AKAP7: variants seen among roughly 807,000 people sequenced by gnomAD.
The protein encoded by AKAP7 is A kinase (PRKA) anchor protein 7.
Under a neutral mutation model 39.5 loss-of-function variants are expected in AKAP7, and 39 were observed. That is an observed-to-expected ratio of 0.99 (90% CI 0.76 to 1.29). The LOEUF (loss-of-function observed/expected upper bound fraction) is 1.29, where lower values mean the gene tolerates loss of function less well. AKAP7 is among the 50% of genes most tolerant of loss of function. The pLI is 0.00. For missense variants in AKAP7, 414 were observed against 407.7 expected (o/e 1.02, Z -0.13); for synonymous variants, 140 against 139.1 (o/e 1.01, Z -0.05).
upstream of AKAP7, among the ~76,000 whole-genome samples, chr6:131,131,275 TTATGAGGGGTTGTC>T (rs1800321738): frequency 6.6e-6 from 1 of 152,128 alleles, no homozygotes; most frequent in Non-Finnish European, 1.5e-5. Flanking sequence ...ATAAGCATCT[TTATGAGGGGTTGTC>T]TATGCTAGAT....
chr6:131,273,817 TTTC>T (rs1352857018), intron 7 of AKAP7, among the ~76,000 whole-genome samples: 1 of 152,164 alleles, frequency 6.6e-6, no homozygotes, highest in Non-Finnish European at 1.5e-5. Flanking sequence ...TTCTTTGACA[TTTC>T]TTCTAGTGCT....
chr6:131,161,801 G>A (rs138486456), intron 3 of AKAP7, among the ~76,000 whole-genome samples: 5 of 151,840 alleles, frequency 3.3e-5, no homozygotes, highest in East Asian at 1.9e-4. Flanking sequence ...TTAGGATCAC[G>A]TATACCTGTG....
At chr6:131,267,581 G>A (rs975212109) in intron 7 of AKAP7, among the ~76,000 whole-genome samples, 9 of 152,088 alleles carry the variant, frequency 5.9e-5, no homozygotes, top group Non-Finnish European at 1.2e-4. Context: ...TAAGTTTCCA[G>A]GCTCATCATT....
intron 2 of AKAP7, among the ~76,000 whole-genome samples, chr6:131,147,307 G>A (rs1305883155): frequency 6.6e-6 from 1 of 152,184 alleles, no homozygotes; most frequent in Non-Finnish European, 1.5e-5. Context: ...ACTGTCTTCT[G>A]GAGGCAGTGA....
At chr6:131,161,168 A>G (rs941538465) in intron 3 of AKAP7, among the ~76,000 whole-genome samples, 2 of 152,222 alleles carry the variant, frequency 1.3e-5, no homozygotes, top group Non-Finnish European at 2.9e-5. Context: ...GAAAAAATAA[A>G]TTATTTTGGG....
In AKAP7 at chr6:131,135,500, G is replaced by GTGCTGCGGC. The variant is rs938404793; in HGVS notation, c.-251_-243dup. On this transcript the variant is annotated 5_prime_UTR_variant, in exon 1 of 8. Coordinates refer to ENST00000431975, the MANE Select transcript of AKAP7 (RefSeq NM_016377.4). ...TTCCGGCGTCCGGCCTGGCATGCGGGTGCTGCGGCTGCTGCGGCTGCCGCC... is the reference window on the plus strand; with the variant it reads ...TTCCGGCGTCCGGCCTGGCATGCGGGTGCTGCGGCTGCTGCGGCTGCTGCGGCTGCCGCC... Among the ~76,000 whole-genome samples, 22 of 148,542 alleles carry GTGCTGCGGC rather than the reference G, an allele frequency of 1.5e-4. No homozygotes were observed. The highest frequency in any genetic ancestry group is 2.7e-4 in the Admixed American group (4 of 14,976).
intron 7 of AKAP7, among the ~76,000 whole-genome samples, chr6:131,256,785 C>A (rs1393872421): frequency 2.0e-5 from 3 of 147,878 alleles, no homozygotes; most frequent in African/African-American, 7.3e-5. Flanking sequence ...AGTGATCCTC[C>A]CACCTCGGCC....
intron 7 of AKAP7, among the ~76,000 whole-genome samples, chr6:131,249,078 A>G (rs1335032115): frequency 1.3e-5 from 2 of 152,232 alleles, no homozygotes; most frequent in East Asian, 3.8e-4. Context: ...ATTTAAAGAC[A>G]TGTAATTCTC....
At chr6:131,166,101 T>C (rs1249674060) in intron 4 of AKAP7, among the ~76,000 whole-genome samples, 1 of 152,128 alleles carries the variant, frequency 6.6e-6, no homozygotes, top group Non-Finnish European at 1.5e-5. Flanking sequence ...CCCATTATGA[T>C]TATTGTAGTT....
chr6:131,136,292 G>T (rs1800534808), intron 1 of AKAP7, among the ~76,000 whole-genome samples: 2 of 152,206 alleles, frequency 1.3e-5, no homozygotes, highest in South Asian at 4.1e-4. Context: ...TGAATTTCCA[G>T]TTTAGGTCAG....
intron 5 of AKAP7, among the ~76,000 whole-genome samples, chr6:131,182,950 T>C (rs1805417310): frequency 6.6e-6 from 1 of 152,134 alleles, no homozygotes; most frequent in East Asian, 1.9e-4. Flanking sequence ...GCTTTACATA[T>C]TGGAGTTCAA....
chr6:131,134,316 G>A (rs1800398227), upstream of AKAP7, among the ~76,000 whole-genome samples: 1 of 152,134 alleles, frequency 6.6e-6, no homozygotes, highest in Non-Finnish European at 1.5e-5. Flanking sequence ...TTTACGAAGG[G>A]AAATTTATGT....
chr6:131,205,570 ACT>A (rs925532755), intron 6 of AKAP7, among the ~76,000 whole-genome samples: 1 of 152,124 alleles, frequency 6.6e-6, no homozygotes, highest in African/African-American at 2.4e-5. Context: ...AAATACAGAA[ACT>A]CTCTCTCAAA....
chr6:131,188,314 G>A (rs1307053463), intron 5 of AKAP7, among the ~76,000 whole-genome samples: 1 of 152,162 alleles, frequency 6.6e-6, no homozygotes, highest in Non-Finnish European at 1.5e-5. Context: ...TGCTTTAAAT[G>A]TTAATAGTAA....
intron 5 of AKAP7, among the ~76,000 whole-genome samples, chr6:131,197,997 G>T (rs1807121905): frequency 6.6e-6 from 1 of 152,152 alleles, no homozygotes; most frequent in Admixed American, 6.6e-5. Flanking sequence ...CAGCTGTGAT[G>T]GTTTAGCATT....
rs55744190 is a variant in AKAP7 at position 131,161,644 on chromosome 6, C to CAAAAAAAAAAAAAAAAAAAAA, written c.291+1466_291+1486dup. Among the ~76,000 whole-genome samples, 14 of 33,624 alleles carry CAAAAAAAAAAAAAAAAAAAAA rather than the reference C, an allele frequency of 4.2e-4. 2 individuals are homozygous for CAAAAAAAAAAAAAAAAAAAAA. The highest frequency in any genetic ancestry group is 4.7e-4 in the Non-Finnish European group (9 of 19,038). 22.1% of individuals were successfully genotyped at this position (33,624 alleles called of 152,430 possible). On this transcript the variant is annotated intron_variant, in intron 3 of 7. Transcript: ENST00000431975. ...TGGGTGACAGAGCCAGACTGTATCT[C>CAAAAAAAAAAAAAAAAAAAAA]AAAAAAAAAAAAAAAAAAAAAAAAA...
rs116613312 is a variant in AKAP7, at chr6:131,220,498, T to A, written c.850+690T>A. Among the ~76,000 whole-genome samples the A allele has an allele frequency of 6.8e-3, 1,034 of 152,322 alleles. 15 individuals are homozygous for A. The highest frequency in any genetic ancestry group is 0.024 in the African/African-American group (980 of 41,568). On this transcript the variant is annotated intron_variant, in intron 7 of 7. Transcript: ENST00000431975. ...ATTTATTATTTCAAACCAGACACTA[T>A]TCTTTTAAAACTGTGAACTTCAAGA...
intron 5 of AKAP7, among the ~76,000 whole-genome samples, chr6:131,186,649 C>G (rs1585041971): frequency 6.6e-6 from 1 of 152,292 alleles, no homozygotes; most frequent in Non-Finnish European, 1.5e-5. Context: ...AGAGGGCTCT[C>G]TGCTTCACAG....
At chr6:131,126,786 G>C in the AKAP7 span, among the ~76,000 whole-genome samples, 1 of 152,164 alleles carries the variant, frequency 6.6e-6, no homozygotes, top group East Asian at 1.9e-4. Context: ...TGCTCATGGT[G>C]TGGTTACAAG....
Sources: gnomAD v4.1 joint callset for allele counts (sites outside exome capture counted in the v4.1 genomes callset) on GRCh38, gnomAD v4.1.1 for gene constraint, MANE v1.5 for transcripts, NCBI Gene and HGNC (gene_info 2026-07-23, HGNC 2026-07-21) for gene names.